The following DNAJB6 variants were observed in gnomAD, a reference collection of about 807,000 sequenced individuals.
DNAJB6 encodes the protein DnaJ heat shock protein family (Hsp40) member B6, also known as dnaJ homolog subfamily B member 6.
A neutral mutation model predicts 42.7 loss-of-function variants in DNAJB6; 16 were observed. That is an observed-to-expected ratio of 0.37 (90% confidence interval 0.25 to 0.57). The LOEUF (loss-of-function observed/expected upper bound fraction) is 0.57, where lower values mean the gene tolerates loss of function less well. Ranked by LOEUF, DNAJB6 falls within the 20% of genes least tolerant of loss-of-function variation. The probability of loss-of-function intolerance (pLI) is 0.74; values close to 1 mark genes in which losing one functional copy is unlikely to be tolerated. For synonymous variants in DNAJB6, 170 were observed against 163.5 expected, an observed-to-expected ratio of 1.04 and a Z score of -0.30; for missense variants, 347 against 416.8, an observed-to-expected ratio of 0.83 and a Z score of 1.46.
chr7:157,399,451 T>C (rs893963693), intron 8 of DNAJB6, among the ~76,000 whole-genome samples: 6 of 152,234 alleles, frequency 3.9e-5, no homozygotes, highest in African/African-American at 1.4e-4. Context: ...TTTCACTGCA[T>C]GTGATCCAGG....
intron 1 of DNAJB6, among the ~76,000 whole-genome samples, chr7:157,352,309 C>G (rs1031650392): frequency 3.3e-5 from 5 of 151,842 alleles, no homozygotes; most frequent in Non-Finnish European, 7.4e-5. Context: ...GGCGACAGAG[C>G]AAGACTCTGT....
intron 5 of DNAJB6, among the ~76,000 whole-genome samples, chr7:157,368,456 C>T (rs1003978318): frequency 6.6e-6 from 1 of 152,178 alleles, no homozygotes; most frequent in African/African-American, 2.4e-5. Flanking sequence ...CGGAAAGGCA[C>T]CTCTAGAGCA....
At chr7:157,412,132 C>A (rs903188759) in intron 9 of DNAJB6, 29 of 152,178 alleles carry the variant, frequency 1.9e-4, no homozygotes, top group African/African-American at 7.0e-4. Flanking sequence ...ACGTCAGAGA[C>A]TTTTACTTAA....
intron 8 of DNAJB6, among the ~76,000 whole-genome samples, chr7:157,392,140 A>G (rs2117125711): frequency 6.7e-6 from 1 of 149,656 alleles, no homozygotes; most frequent in South Asian, 2.1e-4. Context: ...ATGATTTCTT[A>G]GAAGGAGTCT....
intron 6 of DNAJB6, chr7:157,382,649 A>G (rs369529098): frequency 8.6e-6 from 2 of 233,208 alleles, no homozygotes; most frequent in African/African-American, 2.3e-5. Flanking sequence ...AAGGGGCAAC[A>G]TATGTTCTGC....
At chr7:157,361,968 G>A (rs891092020) in intron 2 of DNAJB6, among the ~76,000 whole-genome samples, 1 of 152,168 alleles carries the variant, frequency 6.6e-6, no homozygotes, top group Non-Finnish European at 1.5e-5. Flanking sequence ...GTTTTGCCAT[G>A]TTGGCCAGGT....
chr7:157,339,603 G>A (rs1345442708), intron 1 of DNAJB6, among the ~76,000 whole-genome samples: 1 of 24,824 alleles, frequency 4.0e-5, no homozygotes, highest in South Asian at 1.3e-3. Flanking sequence ...CCGGCCTTTT[G>A]TGTGTGTGTG....
intron 8 of DNAJB6, among the ~76,000 whole-genome samples, chr7:157,407,879 C>T (rs899169824): frequency 1.7e-4 from 26 of 152,178 alleles, no homozygotes; most frequent in African/African-American, 4.3e-4. Context: ...GAGCCCTCCT[C>T]GCTCCCAGCC....
intron 5 of DNAJB6, chr7:157,372,071 G>A (rs567617135): frequency 3.4e-4 from 52 of 152,592 alleles, no homozygotes; most frequent in African/African-American, 1.2e-3. Flanking sequence ...GGAAAAATGA[G>A]TGCATTGAGG....
chr7:157,404,061 G>A (rs1293137858), intron 8 of DNAJB6, among the ~76,000 whole-genome samples: 1 of 144,928 alleles, frequency 6.9e-6, no homozygotes, highest in Admixed American at 6.9e-5. Flanking sequence ...CGAACTCCTA[G>A]GCTCAAGCCG....
chr7:157,388,610 TA>T (rs1801194257), intron 8 of DNAJB6, among the ~76,000 whole-genome samples: 1 of 149,198 alleles, frequency 6.7e-6, no homozygotes, highest in Non-Finnish European at 1.5e-5. Context: ...TTAAAGTCTT[TA>T]ATTTTTAAAA....
chr7:157,338,819 T>G (rs1798188171), intron 1 of DNAJB6, among the ~76,000 whole-genome samples: 1 of 152,084 alleles, frequency 6.6e-6, no homozygotes, highest in Non-Finnish European at 1.5e-5. Context: ...TTGGTAGATG[T>G]GGAGATTTGA....
At chr7:157,407,941 G>A (rs922373595) in intron 8 of DNAJB6, among the ~76,000 whole-genome samples, 2 of 152,298 alleles carry the variant, frequency 1.3e-5, no homozygotes, top group East Asian at 1.9e-4. Flanking sequence ...TGCTGCAGGC[G>A]TGCTCAGGAA....
At chr7:157,392,431 A>ATG (rs1801393536) in intron 8 of DNAJB6, among the ~76,000 whole-genome samples, 1 of 149,510 alleles carries the variant, frequency 6.7e-6, no homozygotes, top group Non-Finnish European at 1.5e-5. Context: ...ATTTACACAG[A>ATG]TGTGTGTGTG....
chr7:157,377,835 T>G (rs959380152), intron 5 of DNAJB6, among the ~76,000 whole-genome samples: 1 of 152,200 alleles, frequency 6.6e-6, no homozygotes, highest in African/African-American at 2.4e-5. Flanking sequence ...CCATATGCAT[T>G]TCCTTAACCC....
At chr7:157,372,688 C>A (rs896981561) in intron 5 of DNAJB6, among the ~76,000 whole-genome samples, 1 of 152,170 alleles carries the variant, frequency 6.6e-6, no homozygotes, top group Non-Finnish European at 1.5e-5. Flanking sequence ...AGCCAGAGCA[C>A]AGACCCTGAA....
chr7:157,342,594 T>G (rs1798459029), intron 1 of DNAJB6, among the ~76,000 whole-genome samples: 2 of 152,162 alleles, frequency 1.3e-5, no homozygotes, highest in Non-Finnish European at 2.9e-5. Flanking sequence ...AGTGTTGGGA[T>G]TACAGGCGTG....
chr7:157,342,891 C>T (rs561507824), intron 1 of DNAJB6, among the ~76,000 whole-genome samples: 2 of 151,284 alleles, frequency 1.3e-5, no homozygotes, highest in Non-Finnish European at 2.9e-5. Context: ...TTAGGACATA[C>T]TGGATAATGA....
Position 157,382,781 on chromosome 7 carries a change from C to T in DNAJB6, c.478+404C>T, listed in dbSNP as rs149891718. 439 of 154,414 alleles carry T rather than the reference C, an allele frequency of 2.8e-3. 2 individuals carry two copies. Among genetic ancestry groups the T allele is most frequent in the African/African-American group, 9.8e-3 (406 of 41,580 alleles). 9.6% of individuals were successfully genotyped at this position (154,414 alleles called of 1,614,324 possible). On this transcript the variant is annotated intron_variant, in intron 6 of 9. Transcript: ENST00000262177. ...CTAGGAGCATCCCACTGGATGGAATCGAAGGCTGGGCCTTACCACTAGCCC... is the reference window on the plus strand; with the variant it reads ...CTAGGAGCATCCCACTGGATGGAATTGAAGGCTGGGCCTTACCACTAGCCC...
Sources: gnomAD v4.1 joint callset for allele counts (sites outside exome capture counted in the v4.1 genomes callset) on GRCh38, gnomAD v4.1.1 for gene constraint, MANE v1.5 for transcripts, NCBI Gene and HGNC (gene_info 2026-07-23, HGNC 2026-07-21) for gene names.